Variants in AIDA observed in about 807,000 individuals in gnomAD.
AIDA encodes axin interactor, dorsalization-associated protein.
Under a neutral mutation model 42.7 loss-of-function variants are expected in AIDA, and 18 were observed. The ratio of observed to expected loss-of-function variants is 0.42; its 90% CI spans 0.29 to 0.63. The LOEUF (loss-of-function observed/expected upper bound fraction) is 0.63, where lower values mean the gene tolerates loss of function less well. AIDA is among the 20% of genes least tolerant of loss of function. The pLI, the probability that AIDA is intolerant of heterozygous loss-of-function variation, is 0.19. For missense variants in AIDA, 250 were observed against 354.1 expected (o/e 0.71, Z 2.36); for synonymous variants, 104 against 122.9 (o/e 0.85, Z 1.02).
At chr1:222,691,549 T>A (rs755793171) in intron 4 of AIDA, among the ~76,000 whole-genome samples, 7 of 152,120 alleles carry the variant, frequency 4.6e-5, no homozygotes, top group Non-Finnish European at 1.0e-4. Context: ...CCGACTAGAA[T>A]CCTTGCATTT....
At chr1:222,708,274 G>A (rs1353995096) in intron 1 of AIDA, among the ~76,000 whole-genome samples, 2 of 151,410 alleles carry the variant, frequency 1.3e-5, no homozygotes, top group African/African-American at 2.4e-5. Context: ...TCGCACCACT[G>A]CACTCCAGCC....
At chr1:222,694,734 G>A (rs1320929155) in intron 2 of AIDA, among the ~76,000 whole-genome samples, 1 of 152,178 alleles carries the variant, frequency 6.6e-6, no homozygotes, top group Non-Finnish European at 1.5e-5. Context: ...ATAAACGGTA[G>A]TAAATTTTAT....
intron 8 of AIDA, 132 bp from the exon 9 acceptor site, chr1:222,670,382 T>C: frequency 1.4e-6 from 1 of 702,032 alleles, no homozygotes; most frequent in Non-Finnish European, 2.4e-6. Flanking sequence ...TGTGCCAGTC[T>C]CAATGATTTG....
intron 2 of AIDA, among the ~76,000 whole-genome samples, chr1:222,700,540 G>A (rs1428493565): frequency 2.6e-5 from 4 of 152,054 alleles, no homozygotes; most frequent in Non-Finnish European, 5.9e-5. Flanking sequence ...GGCGGATCAC[G>A]AGGTCAGGAG....
intron 1 of AIDA, among the ~76,000 whole-genome samples, chr1:222,704,354 T>C (rs1655786617): frequency 6.6e-6 from 1 of 152,100 alleles, no homozygotes. Context: ...TGAAAAACCA[T>C]ATGTTTACAC....
intron 1 of AIDA, among the ~76,000 whole-genome samples, chr1:222,703,599 A>G (rs1431141587): frequency 6.6e-6 from 1 of 152,210 alleles, no homozygotes; most frequent in Non-Finnish European, 1.5e-5. Context: ...TATACCAACC[A>G]GAGATACTTT....
intron 1 of AIDA, among the ~76,000 whole-genome samples, chr1:222,711,074 G>T (rs1250422658): frequency 7.6e-6 from 1 of 131,428 alleles, no homozygotes; most frequent in Non-Finnish European, 1.5e-5. Context: ...GCCAGAAATC[G>T]TTGTGTGTCG....
chr1:222,689,580 TACACAC>T (rs528891739), intron 4 of AIDA, among the ~76,000 whole-genome samples: 2 of 132,868 alleles, frequency 1.5e-5, no homozygotes, highest in African/African-American at 2.7e-5. Context: ...TATATATATA[TACACAC>T]ACACACACAT....
intron 6 of AIDA, among the ~76,000 whole-genome samples, chr1:222,681,531 T>C (rs1664652384): frequency 6.6e-6 from 1 of 152,076 alleles, no homozygotes; most frequent in African/African-American, 2.4e-5. Flanking sequence ...GGTGTGGTAG[T>C]GCATGACTGT....
At position 222,689,532 on chromosome 1, in the gene AIDA, C is replaced by T. The variant is rs558400373; in HGVS notation, c.290-1874G>A. On this transcript the variant is annotated intron_variant, in intron 4 of 9. Coordinates refer to ENST00000340020, the MANE Select transcript of AIDA (RefSeq NM_022831.4). ...ATATATATATATATACACACATACA[C>T]ACACACACATATATATACATATATA... Among the ~76,000 whole-genome samples the T allele has an allele frequency of 9.7e-4, 101 of 104,168 alleles. 6 individuals are homozygous for T. In the South Asian group the frequency reaches 0.028, roughly 29 times the overall value. The allele number at this position is 104,168 out of a possible 152,430, so 68.3% of individuals were successfully genotyped here. A position where few individuals can be genotyped will look rare whatever the true frequency, so the allele number is the denominator to read the frequency against.
At chr1:222,681,992 T>C (rs1275903632) in intron 6 of AIDA, among the ~76,000 whole-genome samples, 2 of 152,156 alleles carry the variant, frequency 1.3e-5, no homozygotes, top group Non-Finnish European at 2.9e-5. Context: ...ATTGACTAGT[T>C]CTGTGTGTGG....
intron 1 of AIDA, among the ~76,000 whole-genome samples, chr1:222,705,670 G>A (rs1264778293): frequency 2.6e-5 from 4 of 152,154 alleles, no homozygotes; most frequent in South Asian, 2.1e-4. Flanking sequence ...ATCACCTGAG[G>A]TGAGGAGTTC....
Position 222,712,123 on chromosome 1 carries a change from T to TA in AIDA, c.110+84dup. Reference sequence around the variant, plus strand: ...CACCCTGAGAAGCCTTGGCTGCAGATACGGTGATGAGAGACACCGACAGAA... The same window carrying TA: ...CACCCTGAGAAGCCTTGGCTGCAGATAACGGTGATGAGAGACACCGACAGAA... On this transcript the variant is annotated intron_variant, in intron 1 of 9. Transcript: ENST00000340020. 2.6e-6 allele frequency: 4 copies of TA among 1,539,308 alleles called. No individual in the cohort carries two copies. The South Asian group carries it at 4.8e-5, about 19-fold the overall frequency.
At chr1:222,675,284 A>G (rs769454305) in intron 7 of AIDA, among the ~76,000 whole-genome samples, 1 of 152,224 alleles carries the variant, frequency 6.6e-6, no homozygotes, top group Non-Finnish European at 1.5e-5. Flanking sequence ...GAGTATGACA[A>G]CTTCATTCTC....
chr1:222,676,392 G>T (rs750527376), intron 6 of AIDA, among the ~76,000 whole-genome samples, 174 bp from the exon 7 acceptor site: 3 of 152,082 alleles, frequency 2.0e-5, no homozygotes, highest in Non-Finnish European at 4.4e-5. Flanking sequence ...TTAATTATAT[G>T]TAAGAGAAAT....
intron 4 of AIDA, 65 bp from the exon 5 acceptor site, chr1:222,687,723 ATGAT>A (rs1422539327): frequency 1.7e-6 from 2 of 1,195,812 alleles, no homozygotes; most frequent in South Asian, 1.5e-5. Flanking sequence ...TATATCTTAA[ATGAT>A]TAATTTTTAA....
At chr1:222,696,947 T>G (rs907516247) in intron 2 of AIDA, among the ~76,000 whole-genome samples, 2 of 152,116 alleles carry the variant, frequency 1.3e-5, no homozygotes, top group African/African-American at 4.8e-5. Flanking sequence ...TTGTTTGTTT[T>G]TGTTTTTTTT....
intron 4 of AIDA, among the ~76,000 whole-genome samples, chr1:222,690,760 A>G (rs1403556472): frequency 2.0e-5 from 3 of 151,944 alleles, no homozygotes. Context: ...CATAATCCAC[A>G]GTATATTCAT....
At chr1:222,706,621 C>T (rs1655845522) in intron 1 of AIDA, among the ~76,000 whole-genome samples, 1 of 152,040 alleles carries the variant, frequency 6.6e-6, no homozygotes, top group Non-Finnish European at 1.5e-5. Context: ...GTAATCCCAG[C>T]ACATTGGGAG....
Sources: allele counts gnomAD v4.1 joint callset (sites outside exome capture counted in the v4.1 genomes callset), GRCh38; gene constraint gnomAD v4.1.1; transcripts MANE v1.5; gene names NCBI Gene and HGNC (gene_info 2026-07-23, HGNC 2026-07-21).